Variants in PAIP2B observed in about 807,000 individuals in gnomAD.
The protein encoded by PAIP2B is poly(A) binding protein interacting protein 2B.
Under a neutral mutation model 17.0 loss-of-function variants are expected in PAIP2B, and 13 were observed. The observed-to-expected ratio is 0.76, with a 90% CI of 0.50 to 1.22. The LOEUF (loss-of-function observed/expected upper bound fraction) is 1.22, where lower values mean the gene tolerates loss of function less well. PAIP2B is among the 50% of genes most tolerant of loss of function. The pLI is 0.00. For missense variants in PAIP2B, 117 were observed against 144.5 expected (o/e 0.81, Z 0.98); for synonymous variants, 43 against 48.7 (o/e 0.88, Z 0.48).
At chr2:71,202,232 A>T (rs547135186) in intron 2 of PAIP2B, among the ~76,000 whole-genome samples, 1 of 152,362 alleles carries the variant, frequency 6.6e-6, no homozygotes, top group Non-Finnish European at 1.5e-5. Context: ...CAACATGGTA[A>T]GAAAAATATA....
intron 2 of PAIP2B, among the ~76,000 whole-genome samples, chr2:71,193,217 C>T (rs775410990): frequency 6.6e-6 from 1 of 151,982 alleles, no homozygotes; most frequent in African/African-American, 2.4e-5. Flanking sequence ...TTTTCATATG[C>T]TTGTTGGCCG....
chr2:71,199,178 T>C (rs1357892204), intron 2 of PAIP2B, among the ~76,000 whole-genome samples: 1 of 152,180 alleles, frequency 6.6e-6, no homozygotes, highest in African/African-American at 2.4e-5. Context: ...AATTCAGATG[T>C]TTCTCTTTTA....
At chr2:71,201,603 ACTC>A (rs565171498) in intron 2 of PAIP2B, among the ~76,000 whole-genome samples, 38 of 151,512 alleles carry the variant, frequency 2.5e-4, no homozygotes, top group African/African-American at 9.2e-4. Context: ...CAGGTCTTGA[ACTC>A]CTGACTTCAA....
At chr2:71,217,663 T>C (rs1675462281) in intron 1 of PAIP2B, among the ~76,000 whole-genome samples, 1 of 152,162 alleles carries the variant, frequency 6.6e-6, no homozygotes, top group African/African-American at 2.4e-5. Context: ...GTTCCATCTG[T>C]TCAATATTAA....
Position 71,196,348 on chromosome 2 carries a change from T to G in PAIP2B, c.138+6104A>C, listed in dbSNP as rs534651900. Among the ~76,000 whole-genome samples, 5 of 152,328 alleles carry G rather than the reference T, an allele frequency of 3.3e-5. No homozygotes were observed. In the South Asian group the frequency reaches 1.0e-3, roughly 32 times the overall value. On this transcript the variant is annotated intron_variant, in intron 2 of 3. Coordinates refer to ENST00000244221, the MANE Select transcript of PAIP2B (RefSeq NM_020459.1). ...TTATTTTCATTGTGTTGACTTCTATTTTTATTGTGCTGTGGTCCAAGAGTG... is the reference window on the plus strand; with the variant it reads ...TTATTTTCATTGTGTTGACTTCTATGTTTATTGTGCTGTGGTCCAAGAGTG...
chr2:71,195,464 C>T (rs1250532009), intron 2 of PAIP2B, among the ~76,000 whole-genome samples: 1 of 152,058 alleles, frequency 6.6e-6, no homozygotes, highest in Non-Finnish European at 1.5e-5. Context: ...TTTATGTGTC[C>T]AGGAATTTAT....
chr2:71,201,627 C>T (rs547564618), intron 2 of PAIP2B, among the ~76,000 whole-genome samples: 2 of 152,272 alleles, frequency 1.3e-5, no homozygotes, highest in African/African-American at 4.8e-5. Flanking sequence ...GTGATCTGCC[C>T]ACCTTGGCCT....
intron 1 of PAIP2B, among the ~76,000 whole-genome samples, chr2:71,207,553 A>G (rs1385843897): frequency 6.6e-6 from 1 of 152,164 alleles, no homozygotes; most frequent in Admixed American, 6.5e-5. Context: ...TTTTGAGATC[A>G]CTCAGGCTGC....
chr2:71,194,856 C>T (rs895554072), intron 2 of PAIP2B, among the ~76,000 whole-genome samples: 3 of 152,098 alleles, frequency 2.0e-5, no homozygotes, highest in African/African-American at 7.2e-5. Flanking sequence ...ATAACGTTGG[C>T]TGTGGGTTTG....
intron 1 of PAIP2B, among the ~76,000 whole-genome samples, chr2:71,213,384 G>T (rs185134987): frequency 5.3e-5 from 8 of 152,190 alleles, no homozygotes; most frequent in African/African-American, 1.9e-4. Flanking sequence ...TTTCAGGAAG[G>T]GTGCCATTTT....
At position 71,188,213 on chromosome 2, in the gene PAIP2B, C is replaced by A; in HGVS notation, c.*266G>T. ...CACTTCTGATGAAGGGGGGAAAATG[C>A]AATTTCCTTAACTCGAAAGAGCTAT... On this transcript the variant is annotated 3_prime_UTR_variant, in exon 4 of 4. Coordinates refer to ENST00000244221, the MANE Select transcript of PAIP2B (RefSeq NM_020459.1). 2.1e-6 allele frequency: 1 copy of A among 474,474 alleles called. No homozygotes were observed. Among genetic ancestry groups the A allele is most frequent in the South Asian group, 3.2e-5 (1 of 31,684 alleles). 29.4% of individuals were successfully genotyped at this position (474,474 alleles called of 1,614,324 possible).
At chr2:71,191,269 T>C (rs1237992260) in intron 2 of PAIP2B, among the ~76,000 whole-genome samples, 2 of 152,226 alleles carry the variant, frequency 1.3e-5, no homozygotes, top group Non-Finnish European at 2.9e-5. Flanking sequence ...GACTTAAGAA[T>C]AGTATTTGAA....
intron 2 of PAIP2B, among the ~76,000 whole-genome samples, chr2:71,195,326 AT>A (rs1185531679): frequency 4.6e-5 from 7 of 152,180 alleles, no homozygotes; most frequent in Non-Finnish European, 7.3e-5. Flanking sequence ...GTCTGGTAGA[AT>A]TTGGCTGTGA....
intron 1 of PAIP2B, among the ~76,000 whole-genome samples, chr2:71,207,663 T>G (rs765191478): frequency 3.6e-4 from 55 of 152,252 alleles, no homozygotes; most frequent in Middle Eastern, 3.4e-3. Context: ...CTGCTTGAAC[T>G]AAGATGATGG....
chr2:71,216,541 TTTC>T (rs1482871711), intron 1 of PAIP2B, among the ~76,000 whole-genome samples: 1 of 152,224 alleles, frequency 6.6e-6, no homozygotes, highest in Non-Finnish European at 1.5e-5. Flanking sequence ...ACCAAAGAGC[TTTC>T]TTCTAGAGTT....
At chr2:71,203,894 G>T (rs1247019831) in intron 1 of PAIP2B, among the ~76,000 whole-genome samples, 4 of 151,302 alleles carry the variant, frequency 2.6e-5, no homozygotes, top group Non-Finnish European at 4.4e-5. Context: ...TGTTTATTTT[G>T]GCTTCTAAAC....
At chr2:71,223,551 C>T (rs1487007335) in intron 1 of PAIP2B, among the ~76,000 whole-genome samples, 1 of 151,902 alleles carries the variant, frequency 6.6e-6, no homozygotes, top group Non-Finnish European at 1.5e-5. Context: ...AATTCTCTGC[C>T]TCAGCCTCCT....
chr2:71,214,920 G>A (rs1220676853), intron 1 of PAIP2B, among the ~76,000 whole-genome samples: 1 of 151,932 alleles, frequency 6.6e-6, no homozygotes, highest in Non-Finnish European at 1.5e-5. Context: ...CATAAACCAG[G>A]AGATTTTAAA....
intron 1 of PAIP2B, among the ~76,000 whole-genome samples, chr2:71,204,279 CTTCT>C (rs1412588776): frequency 1.3e-5 from 2 of 152,152 alleles, no homozygotes; most frequent in African/African-American, 4.8e-5. Flanking sequence ...TTCCTTGGGG[CTTCT>C]TTAAGTTTCT....
Sources: gnomAD v4.1 joint callset for allele counts (sites outside exome capture counted in the v4.1 genomes callset) on GRCh38, gnomAD v4.1.1 for gene constraint, MANE v1.5 for transcripts, NCBI Gene and HGNC (gene_info 2026-07-23, HGNC 2026-07-21) for gene names.